The following SLC2A13 variants were observed in gnomAD, a reference collection of about 807,000 sequenced individuals.
SLC2A13 encodes solute carrier family 2 member 13, also known as proton myo-inositol cotransporter.
SLC2A13 carries 32 observed loss-of-function variants against 64.4 expected under a neutral mutation model. That is an observed-to-expected ratio of 0.50 (90% confidence interval 0.37 to 0.67). SLC2A13 has a LOEUF of 0.67. Among genes scored for constraint, SLC2A13 ranks in the 30% least tolerant of loss-of-function variants. The pLI, the probability that SLC2A13 is intolerant of heterozygous loss-of-function variation, is 0.00. For synonymous variants in SLC2A13, 338 were observed against 327.1 expected, an observed-to-expected ratio of 1.03 and a Z score of -0.36; for missense variants, 743 against 829.2, an observed-to-expected ratio of 0.90 and a Z score of 1.28.
intron 7 of SLC2A13, among the ~76,000 whole-genome samples, chr12:39,816,257 C>T (rs1393577706): frequency 1.3e-5 from 2 of 152,004 alleles, no homozygotes; most frequent in Non-Finnish European, 2.9e-5. Context: ...CTTCTACAAA[C>T]AAAAATTTCC....
At chr12:39,859,316 GTT>G (rs34195780) in intron 6 of SLC2A13, among the ~76,000 whole-genome samples, 13 of 94,324 alleles carry the variant, frequency 1.4e-4, no homozygotes, top group African/African-American at 5.5e-4. Flanking sequence ...AAAGCTGGCA[GTT>G]TTTTTTTTTT....
intron 7 of SLC2A13, among the ~76,000 whole-genome samples, chr12:39,808,046 G>C (rs1164711343): frequency 6.6e-6 from 1 of 152,104 alleles, no homozygotes; most frequent in Non-Finnish European, 1.5e-5. Flanking sequence ...TTTTGACAAT[G>C]TATAAATCCA....
At chr12:39,773,076 T>A (rs1458230627) in intron 7 of SLC2A13, among the ~76,000 whole-genome samples, 1 of 152,236 alleles carries the variant, frequency 6.6e-6, no homozygotes, top group Non-Finnish European at 1.5e-5. Flanking sequence ...TCCTGGCAAC[T>A]GCTGGTAGAA....
rs1939263216 is a variant in SLC2A13 at position 40,105,114 on chromosome 12, T to C, written c.556+139A>G. 4 of 1,174,108 alleles carry C rather than the reference T, an allele frequency of 3.4e-6. No homozygotes were observed. The African/African-American group carries it at 5.2e-5, about 15-fold the overall frequency. 72.7% of individuals were successfully genotyped at this position (1,174,108 alleles called of 1,614,324 possible). A position where few individuals can be genotyped will look rare whatever the true frequency, so the allele number is the denominator to read the frequency against. On this transcript the variant is annotated intron_variant, in intron 1 of 9. Transcript: ENST00000280871. The surrounding 1 kb of genome is among the most constrained non-coding windows in gnomAD (Gnocchi z 4.2). Reference sequence around the variant, plus strand: ...AGGCTGGACCAACAAACAGATGGGCTCTGGAGGCCAGAGAAGTGGAGGATT... The same window carrying C: ...AGGCTGGACCAACAAACAGATGGGCCCTGGAGGCCAGAGAAGTGGAGGATT...
chr12:39,795,817 G>A (rs1367534371), intron 7 of SLC2A13, among the ~76,000 whole-genome samples: 2 of 152,088 alleles, frequency 1.3e-5, no homozygotes, highest in Non-Finnish European at 1.5e-5. Context: ...CATGGCTGAG[G>A]GAGGAAACTT....
chr12:40,085,765 A>T (rs1174427603), intron 1 of SLC2A13, among the ~76,000 whole-genome samples: 1 of 152,202 alleles, frequency 6.6e-6, no homozygotes, highest in African/African-American at 2.4e-5. Context: ...CAGAAGAGAA[A>T]GCAAGCTCAA....
At chr12:40,081,076 A>G (rs11175094) in intron 1 of SLC2A13, among the ~76,000 whole-genome samples, 16,145 of 151,906 alleles carry the variant, frequency 0.11, 952 homozygotes, top group East Asian at 0.2. Flanking sequence ...GTCTGCTGTT[A>G]GCCTAATGAG....
At chr12:40,004,061 A>T (rs1947366818) in intron 3 of SLC2A13, among the ~76,000 whole-genome samples, 1 of 152,194 alleles carries the variant, frequency 6.6e-6, no homozygotes, top group East Asian at 1.9e-4. Context: ...ATACAAATTT[A>T]AAAAAAGATA....
chr12:40,003,594 G>T (rs1020254047), intron 3 of SLC2A13, among the ~76,000 whole-genome samples: 1 of 151,928 alleles, frequency 6.6e-6, no homozygotes, highest in Non-Finnish European at 1.5e-5. Context: ...TGACATGCCA[G>T]GCCCCTAATA....
chr12:40,094,930 C>G (rs1328404116), intron 1 of SLC2A13, among the ~76,000 whole-genome samples: 1 of 152,164 alleles, frequency 6.6e-6, no homozygotes, highest in Non-Finnish European at 1.5e-5. Context: ...GAAGAAGACG[C>G]ATCTGTGCAA....
intron 1 of SLC2A13, among the ~76,000 whole-genome samples, chr12:40,064,426 A>C (rs1157920024): frequency 1.3e-5 from 2 of 152,168 alleles, no homozygotes; most frequent in African/African-American, 4.8e-5. Context: ...AATGTAAATA[A>C]AAATACCTAA....
intron 3 of SLC2A13, among the ~76,000 whole-genome samples, chr12:40,019,371 T>TTC (rs1491236702): frequency 6.6e-6 from 1 of 152,170 alleles, no homozygotes; most frequent in African/African-American, 2.4e-5. Context: ...TTTTTTTTTT[T>TTC]TCCTAATATT....
chr12:40,091,309 C>T (rs1031454850), intron 1 of SLC2A13, among the ~76,000 whole-genome samples: 6 of 152,102 alleles, frequency 3.9e-5, no homozygotes, highest in Admixed American at 2.0e-4. Context: ...GTAATTTGTA[C>T]AGTAGGTCAA....
At chr12:39,797,549 G>A (rs1941615440) in intron 7 of SLC2A13, among the ~76,000 whole-genome samples, 1 of 152,128 alleles carries the variant, frequency 6.6e-6, no homozygotes, top group Non-Finnish European at 1.5e-5. Flanking sequence ...AAATATTTTA[G>A]TCAATTTCAC....
chr12:40,030,731 A>C (rs1947890444), intron 2 of SLC2A13, among the ~76,000 whole-genome samples: 1 of 152,192 alleles, frequency 6.6e-6, no homozygotes, highest in South Asian at 2.1e-4. Context: ...AAACAGAAAA[A>C]AAGACAAGGG....
intron 3 of SLC2A13, among the ~76,000 whole-genome samples, chr12:40,027,955 T>C (rs1947843664): frequency 6.6e-6 from 1 of 152,178 alleles, no homozygotes; most frequent in East Asian, 1.9e-4. Context: ...AATTAAATAT[T>C]TTAATGGAAA....
At chr12:39,963,787 T>C (rs1032597579) in intron 3 of SLC2A13, among the ~76,000 whole-genome samples, 1 of 152,348 alleles carries the variant, frequency 6.6e-6, no homozygotes, top group East Asian at 1.9e-4. Context: ...TAATATTCTA[T>C]TAGCACATTC....
Position 40,014,749 on chromosome 12 carries a change from T to G in SLC2A13, c.925+13552A>C, listed in dbSNP as rs572852670. Among the ~76,000 whole-genome samples, 10 of 152,332 alleles carry G rather than the reference T, an allele frequency of 6.6e-5. No individual in the cohort carries two copies. In the South Asian group the frequency reaches 1.9e-3, roughly 28 times the overall value. On this transcript the variant is annotated intron_variant, in intron 3 of 9. Coordinates refer to ENST00000280871, the MANE Select transcript of SLC2A13 (RefSeq NM_052885.4). The stretch of plus-strand genomic sequence containing the variant: ...GCTCAGTGATCCATCCACCTCAGCC[T>G]GCCGAAGTACTGGGATTACAGGCGT...
At chr12:39,918,191 C>A (rs926123164) in intron 4 of SLC2A13, among the ~76,000 whole-genome samples, 2 of 152,074 alleles carry the variant, frequency 1.3e-5, no homozygotes, top group Non-Finnish European at 2.9e-5. Context: ...GGGATGTTCA[C>A]ACAGTCTGTA....
Sources: gnomAD v4.1 joint callset for allele counts (sites outside exome capture counted in the v4.1 genomes callset) on GRCh38, gnomAD v4.1.1 for gene constraint, Gnocchi (gnomAD v3.1) non-coding constraint, MANE v1.5 for transcripts, NCBI Gene and HGNC (gene_info 2026-07-23, HGNC 2026-07-21) for gene names.